The following CHST8 variants were observed in gnomAD, a reference collection of about 807,000 sequenced individuals.
The protein encoded by CHST8 is GALNAC-4-ST1.
Under a neutral mutation model 15.0 loss-of-function variants are expected in CHST8, and 10 were observed. The ratio of observed to expected loss-of-function variants is 0.67; its 90% CI spans 0.41 to 1.13. The LOEUF (loss-of-function observed/expected upper bound fraction) is 1.13, where lower values mean the gene tolerates loss of function less well. Among genes scored for constraint, CHST8 ranks in the 50% most tolerant of loss-of-function variants. The pLI, the probability that CHST8 is intolerant of heterozygous loss-of-function variation, is 0.00. For synonymous variants in CHST8, 259 were observed against 256.6 expected, an observed-to-expected ratio of 1.01 and a Z score of -0.09; for missense variants, 634 against 608.2, an observed-to-expected ratio of 1.04 and a Z score of -0.45.
At position 33,720,874 on chromosome 19, in the gene CHST8, G is replaced by T. The variant is rs141700506; in HGVS notation, c.130+31483G>T. Among the ~76,000 whole-genome samples the T allele has an allele frequency of 8.7e-4, 132 of 152,356 alleles. 1 individual carries two copies. In the South Asian group the frequency reaches 0.01, roughly 12 times the overall value. On this transcript the variant is annotated intron_variant, in intron 3 of 4. Coordinates refer to ENST00000650847, the MANE Select transcript of CHST8 (RefSeq NM_001127895.2). ...GGGCTTCCATATCAGTGAGGGCCAC[G>T]TCCATCATTGCTGAAAGCAGAGTGG... is the stretch of plus-strand genomic sequence containing the variant.
At chr19:33,658,204 G>A (rs1301452390) in intron 1 of CHST8, among the ~76,000 whole-genome samples, 1 of 152,148 alleles carries the variant, frequency 6.6e-6, no homozygotes, top group South Asian at 2.1e-4. Context: ...GCTAGGTGTG[G>A]TGCTGTGCAC....
At chr19:33,640,266 G>A (rs935862968) in intron 1 of CHST8, among the ~76,000 whole-genome samples, 2 of 152,254 alleles carry the variant, frequency 1.3e-5, no homozygotes, top group African/African-American at 4.8e-5. Flanking sequence ...AACTGGGCCA[G>A]AGTGCAGCCT....
chr19:33,661,759 G>A (rs1286584268), intron 1 of CHST8, among the ~76,000 whole-genome samples: 3 of 151,724 alleles, frequency 2.0e-5, no homozygotes, highest in African/African-American at 4.8e-5. Context: ...AGCCATGCAC[G>A]ATGGCTCATG....
intron 3 of CHST8, among the ~76,000 whole-genome samples, chr19:33,692,727 G>T (rs1480212461): frequency 6.6e-6 from 1 of 152,084 alleles, no homozygotes; most frequent in Non-Finnish European, 1.5e-5. Flanking sequence ...CAATGTACTG[G>T]CTCTGGGGGC....
At chr19:33,681,547 G>A (rs1048656191) in intron 2 of CHST8, among the ~76,000 whole-genome samples, 2 of 152,230 alleles carry the variant, frequency 1.3e-5, no homozygotes, top group East Asian at 3.8e-4. Context: ...ACAGGCGGCA[G>A]GTGTGGGTGA....
chr19:33,673,155 G>C (rs1021129335), intron 2 of CHST8, among the ~76,000 whole-genome samples: 1 of 152,210 alleles, frequency 6.6e-6, no homozygotes, highest in African/African-American at 2.4e-5. Flanking sequence ...CGGGTGTCGT[G>C]GCTGGGAGGA....
intron 2 of CHST8, among the ~76,000 whole-genome samples, chr19:33,675,741 A>C (rs1972801032): frequency 6.6e-6 from 1 of 152,206 alleles, no homozygotes; most frequent in African/African-American, 2.4e-5. Flanking sequence ...TTGAACAACC[A>C]TGTTTAGGTG....
At chr19:33,699,903 A>G (rs1436535153) in intron 3 of CHST8, among the ~76,000 whole-genome samples, 1 of 152,204 alleles carries the variant, frequency 6.6e-6, no homozygotes, top group African/African-American at 2.4e-5. Context: ...TGGGTGGGCC[A>G]GGACCACAGG....
intron 2 of CHST8, among the ~76,000 whole-genome samples, chr19:33,685,558 G>A (rs113846657): frequency 2.4e-3 from 368 of 152,262 alleles, no homozygotes; most frequent in Middle Eastern, 0.02. Flanking sequence ...CTTGGGATGG[G>A]TGTAAGCAGG....
At chr19:33,682,112 C>T (rs576250481) in intron 2 of CHST8, among the ~76,000 whole-genome samples, 2 of 151,862 alleles carry the variant, frequency 1.3e-5, no homozygotes, top group East Asian at 1.9e-4. Flanking sequence ...GCCTTGGCCT[C>T]CCAAAAGTGC....
intron 1 of CHST8, among the ~76,000 whole-genome samples, chr19:33,655,923 T>A (rs1175883269): frequency 2.6e-5 from 4 of 152,176 alleles, no homozygotes; most frequent in Non-Finnish European, 5.9e-5. Flanking sequence ...AAGGCTTATT[T>A]TCTTGTTCTT....
At chr19:33,726,109 G>A (rs766967883) in intron 3 of CHST8, among the ~76,000 whole-genome samples, 7 of 152,212 alleles carry the variant, frequency 4.6e-5, no homozygotes, top group East Asian at 1.9e-4. Flanking sequence ...TTCAGCAACC[G>A]GGCAGAAGGC....
intron 1 of CHST8, among the ~76,000 whole-genome samples, chr19:33,654,360 G>T (rs1420469588): frequency 1.3e-5 from 2 of 151,908 alleles, no homozygotes; most frequent in South Asian, 2.1e-4. Context: ...TTGTTTATCA[G>T]CTTGTTTTTC....
rs527556524 is a variant in CHST8 at position 33,625,148 on chromosome 19, C to T, written c.-164+2852C>T. On this transcript the variant is annotated intron_variant, in intron 1 of 4. Transcript: ENST00000650847. ...TTGCCCAGGCTAGAGTGCAATGTTG[C>T]GATCTCTGTTTGCCACAAGCTCTGC... is the stretch of plus-strand genomic sequence containing the variant. Among the ~76,000 whole-genome samples, 32 of 151,438 alleles carry T rather than the reference C, an allele frequency of 2.1e-4. No individual in the cohort carries two copies. The South Asian group carries it at 2.5e-3, about 12-fold the overall frequency.
chr19:33,664,578 A>C (rs1307431526), intron 1 of CHST8, among the ~76,000 whole-genome samples: 1 of 151,276 alleles, frequency 6.6e-6, no homozygotes, highest in Admixed American at 6.6e-5. Context: ...TATTTCTTTG[A>C]GTGATTATGT....
At chr19:33,761,436 G>A (rs1228190535) in intron 3 of CHST8, among the ~76,000 whole-genome samples, 1 of 151,896 alleles carries the variant, frequency 6.6e-6, no homozygotes, top group Non-Finnish European at 1.5e-5. Context: ...TTCAAGTAAG[G>A]CTCATGCCCC....
intron 2 of CHST8, among the ~76,000 whole-genome samples, chr19:33,672,120 T>C (rs1362123406): frequency 6.6e-6 from 1 of 152,120 alleles, no homozygotes; most frequent in Non-Finnish European, 1.5e-5. Flanking sequence ...TCAAACAGGA[T>C]CAAAAAGTAA....
chr19:33,743,326 G>GAGTCTC (rs1427929450), intron 3 of CHST8, among the ~76,000 whole-genome samples: 1 of 142,364 alleles, frequency 7.0e-6, no homozygotes, highest in Non-Finnish European at 1.5e-5. Context: ...TTTTGAGACG[G>GAGTCTC]AGTCTCGCTG....
At chr19:33,638,596 T>A (rs970556795) in intron 1 of CHST8, among the ~76,000 whole-genome samples, 7 of 152,098 alleles carry the variant, frequency 4.6e-5, no homozygotes, top group African/African-American at 1.7e-4. Context: ...TATCGCTGAG[T>A]TGTCATGAAA....
Sources: gnomAD v4.1 joint callset for allele counts (sites outside exome capture counted in the v4.1 genomes callset) on GRCh38, gnomAD v4.1.1 for gene constraint, MANE v1.5 for transcripts, NCBI Gene and HGNC (gene_info 2026-07-23, HGNC 2026-07-21) for gene names.